The following ACER3 variants were observed in gnomAD, a reference collection of about 807,000 sequenced individuals.
The protein encoded by ACER3 is alkaline ceramidase 3, also known as alkCDase 3.
ACER3 carries 16 observed loss-of-function variants against 48.9 expected under a neutral mutation model. The observed-to-expected ratio is 0.33, with a 90% CI of 0.22 to 0.50. ACER3 has a LOEUF of 0.50. Among genes scored for constraint, ACER3 ranks in the 20% least tolerant of loss-of-function variants. ACER3 has a pLI of 0.98. For synonymous variants in ACER3, 109 were observed against 107.8 expected, an observed-to-expected ratio of 1.01 and a Z score of -0.07; for missense variants, 227 against 326.0, an observed-to-expected ratio of 0.70 and a Z score of 2.34.
chr11:76,967,277 A>G (rs2135100164), intron 3 of ACER3, among the ~76,000 whole-genome samples: 1 of 152,356 alleles, frequency 6.6e-6, no homozygotes, highest in East Asian at 1.9e-4. Flanking sequence ...GAATCTCCGA[A>G]TAGACCAATA....
intron 1 of ACER3, among the ~76,000 whole-genome samples, chr11:76,894,502 A>C (rs370596827): frequency 2.0e-5 from 3 of 152,188 alleles, no homozygotes; most frequent in African/African-American, 7.2e-5. Flanking sequence ...TCTGCCTCTT[A>C]CTGGTTGAGC....
intron 6 of ACER3, 188 bp from the exon 7 acceptor site, chr11:76,998,575 C>CTT (rs1948962971): frequency 2.0e-6 from 1 of 507,446 alleles, no homozygotes; most frequent in Non-Finnish European, 3.4e-6. Flanking sequence ...TAAGCAGACT[C>CTT]TTAACTTTTC....
chr11:76,905,072 G>A (rs556258111), intron 1 of ACER3, among the ~76,000 whole-genome samples: 1 of 152,022 alleles, frequency 6.6e-6, no homozygotes, highest in African/African-American at 2.4e-5. Context: ...GGCTGGTCTC[G>A]AACTCCTGAC....
chr11:76,969,255 A>T lies in ACER3; in HGVS notation c.268-7034A>T, dbSNP rs538383382. ...CAAAACCACAATGAGATACCATCTC[A>T]CACCAGTTAGAATGGTGATCATTAA... On this transcript the variant is annotated intron_variant, in intron 3 of 10. Transcript: ENST00000532485. 1.9e-4 allele frequency among the ~76,000 whole-genome samples: 29 copies of T among 152,352 alleles called. No homozygotes were observed. In the South Asian group the frequency reaches 5.8e-3, roughly 30 times the overall value.
chr11:76,966,275 TGCACCCAATACAGGA>T (rs1565204255), intron 3 of ACER3, among the ~76,000 whole-genome samples: 1 of 151,238 alleles, frequency 6.6e-6, no homozygotes, highest in Non-Finnish European at 1.5e-5. Flanking sequence ...TAAATATATA[TGCACCCAATACAGGA>T]GCACCCAGAT....
At chr11:76,932,368 T>C (rs1202368068) in intron 2 of ACER3, among the ~76,000 whole-genome samples, 1 of 152,222 alleles carries the variant, frequency 6.6e-6, no homozygotes, top group Non-Finnish European at 1.5e-5. Flanking sequence ...TAGTGAATCA[T>C]GTCAGATTCT....
At chr11:76,934,338 G>A (rs1947111027) in intron 2 of ACER3, among the ~76,000 whole-genome samples, 1 of 152,238 alleles carries the variant, frequency 6.6e-6, no homozygotes, top group African/African-American at 2.4e-5. Flanking sequence ...AAGGCAGGCG[G>A]CTGGGAGGTG....
At chr11:76,927,306 G>A (rs926969750) in intron 2 of ACER3, among the ~76,000 whole-genome samples, 1 of 152,134 alleles carries the variant, frequency 6.6e-6, no homozygotes, top group Non-Finnish European at 1.5e-5. Flanking sequence ...TCCTCAATAA[G>A]TACTGGATGG....
chr11:76,935,666 A>G (rs1203057404), intron 2 of ACER3, among the ~76,000 whole-genome samples: 1 of 152,220 alleles, frequency 6.6e-6, no homozygotes, highest in East Asian at 1.9e-4. Context: ...TTATAGAAAA[A>G]CAGTTTTAAA....
chr11:76,866,459 G>A (rs1294858621), intron 1 of ACER3, among the ~76,000 whole-genome samples: 7 of 152,194 alleles, frequency 4.6e-5, no homozygotes, highest in Non-Finnish European at 2.9e-5. Context: ...GGTCACTGAT[G>A]GTGATGTACT....
intron 1 of ACER3, among the ~76,000 whole-genome samples, chr11:76,862,402 A>G (rs1944965219): frequency 6.6e-6 from 1 of 152,224 alleles, no homozygotes; most frequent in Admixed American, 6.5e-5. Context: ...TAATTTTTAC[A>G]TAATCATGGA....
At chr11:76,933,778 G>A (rs548718938) in intron 2 of ACER3, among the ~76,000 whole-genome samples, 251 of 151,776 alleles carry the variant, frequency 1.7e-3, no homozygotes, top group African/African-American at 5.0e-3. Context: ...ATCATGGCCC[G>A]TTCTCAATGA....
chr11:76,973,775 A>T (rs1006056612), intron 3 of ACER3, among the ~76,000 whole-genome samples: 1 of 151,946 alleles, frequency 6.6e-6, no homozygotes, highest in South Asian at 2.1e-4. Flanking sequence ...TTGGTTGCTT[A>T]TGTTTTTGGT....
intron 1 of ACER3, among the ~76,000 whole-genome samples, chr11:76,897,927 T>G (rs1042709038): frequency 6.6e-6 from 1 of 152,240 alleles, no homozygotes; most frequent in Non-Finnish European, 1.5e-5. Context: ...AAGTTCTTTA[T>G]GTAAATTCCA....
At chr11:76,917,828 T>G (rs1946573138) in intron 1 of ACER3, among the ~76,000 whole-genome samples, 1 of 142,016 alleles carries the variant, frequency 7.0e-6, no homozygotes, top group African/African-American at 2.6e-5. Flanking sequence ...GCCACTGAAC[T>G]CACTCTGTGC....
chr11:76,871,067 A>T, intron 1 of ACER3, among the ~76,000 whole-genome samples: 1 of 152,114 alleles, frequency 6.6e-6, no homozygotes, highest in East Asian at 1.9e-4. Context: ...AGAGGGATTA[A>T]ATAATTTGTC....
At chr11:76,967,789 T>C (rs568621987) in intron 3 of ACER3, among the ~76,000 whole-genome samples, 2 of 152,234 alleles carry the variant, frequency 1.3e-5, no homozygotes, top group South Asian at 4.2e-4. Flanking sequence ...ATGGGACATA[T>C]CTCAAAATAA....
At chr11:76,924,961 G>A (rs1359533002) in intron 1 of ACER3, among the ~76,000 whole-genome samples, 2 of 100,052 alleles carry the variant, frequency 2.0e-5, no homozygotes, top group African/African-American at 4.0e-5. Context: ...GGGCAACAGA[G>A]GAAGACTCTG....
chr11:76,981,804 C>A (rs1220228777), intron 4 of ACER3, among the ~76,000 whole-genome samples: 1 of 152,066 alleles, frequency 6.6e-6, no homozygotes. Context: ...AAGGTTATTG[C>A]CAGTTTGGGG....
Sources: gnomAD v4.1 joint callset for allele counts (sites outside exome capture counted in the v4.1 genomes callset) on GRCh38, gnomAD v4.1.1 for gene constraint, MANE v1.5 for transcripts, NCBI Gene and HGNC (gene_info 2026-07-23, HGNC 2026-07-21) for gene names.